The following RBMS3 variants were observed in gnomAD, a reference collection of about 807,000 sequenced individuals.
The protein encoded by RBMS3 is RNA-binding motif, single-stranded-interacting protein 3.
In RBMS3, 27 loss-of-function variants were observed where a neutral mutation model predicts 66.8. That is an observed-to-expected ratio of 0.40 (90% CI 0.30 to 0.56). RBMS3 has a LOEUF of 0.56. RBMS3 is among the 20% of genes least tolerant of loss of function. RBMS3 has a pLI of 0.40. For missense variants in RBMS3, 513 were observed against 549.5 expected (o/e 0.93, Z 0.66); for synonymous variants, 188 against 183.0 (o/e 1.03, Z -0.22).
At chr3:29,602,429 G>A (rs986878470) in intron 4 of RBMS3, among the ~76,000 whole-genome samples, 8 of 151,946 alleles carry the variant, frequency 5.3e-5, no homozygotes, top group African/African-American at 1.9e-4. Context: ...TCCAATCCCA[G>A]CCAAATGATT....
intron 4 of RBMS3, among the ~76,000 whole-genome samples, chr3:29,706,610 C>T (rs1243843929): frequency 1.3e-5 from 2 of 152,194 alleles, no homozygotes; most frequent in Non-Finnish European, 2.9e-5. Flanking sequence ...CACTCTCTCA[C>T]AAGAAACTCT....
At chr3:29,737,636 T>C (rs1261379795) in intron 4 of RBMS3, among the ~76,000 whole-genome samples, 1 of 152,230 alleles carries the variant, frequency 6.6e-6, no homozygotes, top group Non-Finnish European at 1.5e-5. Context: ...ACTATGAACC[T>C]TGGAAGTTAT....
At chr3:29,761,713 C>T (rs999233991) in intron 5 of RBMS3, among the ~76,000 whole-genome samples, 2 of 152,026 alleles carry the variant, frequency 1.3e-5, no homozygotes, top group Non-Finnish European at 2.9e-5. Context: ...GTAATATGGT[C>T]CTGAAATGGA....
At chr3:29,604,336 A>G (rs776718977) in intron 4 of RBMS3, among the ~76,000 whole-genome samples, 9 of 152,112 alleles carry the variant, frequency 5.9e-5, no homozygotes, top group South Asian at 4.1e-4. Context: ...GACATGTCAT[A>G]CTAACATTTG....
intron 6 of RBMS3, among the ~76,000 whole-genome samples, chr3:29,811,834 T>C (rs964358136): frequency 2.0e-5 from 3 of 152,126 alleles, no homozygotes; most frequent in African/African-American, 4.8e-5. Context: ...CTGCATTGAT[T>C]TGGAGTTAGG....
intron 1 of RBMS3, among the ~76,000 whole-genome samples, chr3:29,420,565 T>TTTTG (rs1553600815): frequency 0.29 from 43,235 of 150,924 alleles, 6,244 homozygotes; most frequent in South Asian, 0.37. Flanking sequence ...GGTTTGTTTT[T>TTTTG]TTTTGTTTTG....
chr3:29,511,676 A>T (rs954373608), intron 3 of RBMS3, among the ~76,000 whole-genome samples: 4 of 152,124 alleles, frequency 2.6e-5, no homozygotes, highest in Non-Finnish European at 5.9e-5. Flanking sequence ...TAGGACCATC[A>T]TACATAAAGA....
intron 1 of RBMS3, among the ~76,000 whole-genome samples, chr3:29,338,086 G>A (rs2036058006): frequency 1.3e-5 from 2 of 152,154 alleles, no homozygotes; most frequent in Admixed American, 1.3e-4. Context: ...AGTTAAAGAT[G>A]TAGGGATCTG....
chr3:29,906,744 T>G (rs1280313951), intron 10 of RBMS3, among the ~76,000 whole-genome samples: 1 of 152,100 alleles, frequency 6.6e-6, no homozygotes. Flanking sequence ...ACCCAAAGAT[T>G]AGTACAGTTA....
intron 3 of RBMS3, among the ~76,000 whole-genome samples, chr3:29,507,496 C>CG (rs896193397): frequency 8.3e-6 from 1 of 119,842 alleles, no homozygotes; most frequent in African/African-American, 3.6e-5. Context: ...ATATTAATTG[C>CG]GAAAAAAAAA....
rs1559869765 is a variant in RBMS3, at chr3:29,991,038, C to CA, written c.1180-43dup. Reference sequence around the variant, plus strand: ...TACAGCCTATCTAGAGAGGGCCCTTCACTGAAGCAAGTAAGGCTTTTATGT... The same window carrying CA: ...TACAGCCTATCTAGAGAGGGCCCTTCAACTGAAGCAAGTAAGGCTTTTATGT... On this transcript the variant is annotated intron_variant, in intron 13 of 14. Transcript: ENST00000383767. The CA allele has an allele frequency of 4.4e-6, 7 of 1,594,820 alleles. No homozygotes were observed. In the South Asian group the frequency reaches 7.7e-5, roughly 18 times the overall value.
intron 3 of RBMS3, among the ~76,000 whole-genome samples, chr3:29,532,003 C>G (rs35912): frequency 1 from 151,534 of 152,070 alleles, 75,500 homozygotes; most frequent in Middle Eastern, 1. Flanking sequence ...ATAACAGAAA[C>G]GGAGCCGTTC....
At chr3:29,606,488 T>A (rs1247650386) in intron 4 of RBMS3, among the ~76,000 whole-genome samples, 3 of 151,974 alleles carry the variant, frequency 2.0e-5, no homozygotes, top group Non-Finnish European at 4.4e-5. Flanking sequence ...GAGCTGGAGT[T>A]GGACACATTT....
At chr3:29,964,359 A>G (rs1696684967) in intron 12 of RBMS3, among the ~76,000 whole-genome samples, 1 of 152,214 alleles carries the variant, frequency 6.6e-6, no homozygotes, top group South Asian at 2.1e-4. Flanking sequence ...AAATCCAATC[A>G]GGTAAGAAAG....
intron 2 of RBMS3, among the ~76,000 whole-genome samples, chr3:29,455,384 G>A (rs1269778548): frequency 1.3e-5 from 2 of 152,114 alleles, no homozygotes; most frequent in African/African-American, 4.8e-5. Flanking sequence ...GAAATACAGA[G>A]GTAGAGTCGA....
chr3:29,353,739 C>T (rs947430147), intron 1 of RBMS3, among the ~76,000 whole-genome samples: 5 of 151,972 alleles, frequency 3.3e-5, no homozygotes, highest in African/African-American at 1.2e-4. Context: ...TTAATTATTG[C>T]TTGAAAGTTT....
intron 1 of RBMS3, among the ~76,000 whole-genome samples, chr3:29,412,132 A>C (rs1395123750): frequency 1.3e-5 from 2 of 152,234 alleles, no homozygotes. Context: ...TTTCTGTAAC[A>C]GGCAAAATTC....
At chr3:29,331,971 T>C (rs1357559122) in intron 1 of RBMS3, among the ~76,000 whole-genome samples, 2 of 151,980 alleles carry the variant, frequency 1.3e-5, no homozygotes, top group Non-Finnish European at 2.9e-5. Flanking sequence ...TGTGAACTCT[T>C]TGGGGGAGTA....
At chr3:29,679,220 T>G (rs2051384496) in intron 4 of RBMS3, among the ~76,000 whole-genome samples, 1 of 152,160 alleles carries the variant, frequency 6.6e-6, no homozygotes, top group Admixed American at 6.5e-5. Context: ...CTGATATTGA[T>G]TACTCTTTAC....
Sources: gnomAD v4.1 joint callset for allele counts (sites outside exome capture counted in the v4.1 genomes callset) on GRCh38, gnomAD v4.1.1 for gene constraint, MANE v1.5 for transcripts, NCBI Gene and HGNC (gene_info 2026-07-23, HGNC 2026-07-21) for gene names.